Variants in MAGI2 observed in about 807,000 individuals in gnomAD.
MAGI2 encodes the protein membrane associated guanylate kinase, WW and PDZ domain containing 2.
In MAGI2, 35 loss-of-function variants were observed where a neutral mutation model predicts 133.3. The ratio of observed to expected loss-of-function variants is 0.26; its 90% CI spans 0.20 to 0.35. The LOEUF is 0.35. Among genes scored for constraint, MAGI2 ranks in the 10% least tolerant of loss-of-function variants. The pLI is 1.00. For missense variants in MAGI2, 1,636 were observed against 1,863.4 expected, an observed-to-expected ratio of 0.88 and a Z score of 2.25; for synonymous variants, 729 against 710.6, an observed-to-expected ratio of 1.03 and a Z score of -0.41.
At position 78,198,428 on chromosome 7, in the gene MAGI2, GTT is replaced by G. The variant is rs398066996; in HGVS notation, c.2079+2732_2079+2733del. ...GAACACTCTGTTCATGGCTGTGGCCGTTTTTTTTTTTTTTTTTTTTCGAGACA... is the reference window on the plus strand; with the variant it reads ...GAACACTCTGTTCATGGCTGTGGCCGTTTTTTTTTTTTTTTTTTCGAGACA... On this transcript the variant is annotated intron_variant, in intron 11 of 21. Coordinates refer to ENST00000354212, the MANE Select transcript of MAGI2 (RefSeq NM_012301.4). Among the ~76,000 whole-genome samples, 637 of 97,468 alleles carry G rather than the reference GTT, an allele frequency of 6.5e-3. 2 individuals are homozygous for G. The highest frequency in any genetic ancestry group is 0.02 in the African/African-American group (500 of 24,566). 63.9% of individuals were successfully genotyped at this position (97,468 alleles called of 152,430 possible).
intron 1 of MAGI2, among the ~76,000 whole-genome samples, chr7:79,143,812 A>G (rs901212239): frequency 1.8e-4 from 27 of 152,304 alleles, no homozygotes; most frequent in Admixed American, 5.9e-4. Flanking sequence ...TAAAATTTCA[A>G]TATTACTATC....
intron 1 of MAGI2, among the ~76,000 whole-genome samples, chr7:79,367,858 C>CACATATATATATATATATAT: frequency 1.1e-5 from 1 of 87,114 alleles, no homozygotes; most frequent in African/African-American, 4.6e-5. Flanking sequence ...ATATATGTGA[C>CACATATATATATATATATAT]ATATATATAT....
At position 78,559,136 on chromosome 7, in the gene MAGI2, C is replaced by CAAAAAAAAAAA. The variant is rs71085541; in HGVS notation, c.539-37502_539-37492dup. On this transcript the variant is annotated intron_variant, in intron 3 of 21. Coordinates refer to ENST00000354212, the MANE Select transcript of MAGI2 (RefSeq NM_012301.4). ...TTTAGGAGCTTGCAATCTGAATTTCCAAAAAAAAAAAAAAAAAAAAAAAAA... is the reference window on the plus strand; with the variant it reads ...TTTAGGAGCTTGCAATCTGAATTTCCAAAAAAAAAAAAAAAAAAAAAAAAAAAAAAAAAAAA... Among the ~76,000 whole-genome samples, 8 of 54,730 alleles carry CAAAAAAAAAAA rather than the reference C, an allele frequency of 1.5e-4. 1 individual carries two copies. Among genetic ancestry groups the CAAAAAAAAAAA allele is most frequent in the Non-Finnish European group, 2.1e-4 (7 of 33,120 alleles). 35.9% of individuals were successfully genotyped at this position (54,730 alleles called of 152,430 possible).
chr7:78,850,631 C>T (rs1793052355), intron 2 of MAGI2, among the ~76,000 whole-genome samples: 2 of 152,134 alleles, frequency 1.3e-5, no homozygotes, highest in Admixed American at 6.6e-5. Context: ...TTCCTGGATA[C>T]TCCTGTAGTA....
intron 7 of MAGI2, among the ~76,000 whole-genome samples, chr7:78,357,970 T>C (rs1433577060): frequency 1.3e-5 from 2 of 150,898 alleles, no homozygotes; most frequent in Admixed American, 6.6e-5. Context: ...ACACTAGTAA[T>C]AAATAATGTT....
At chr7:79,091,145 T>C (rs1817012003) in intron 1 of MAGI2, among the ~76,000 whole-genome samples, 1 of 152,162 alleles carries the variant, frequency 6.6e-6, no homozygotes, top group Non-Finnish European at 1.5e-5. Context: ...CTAACTCTTA[T>C]CCTTGGTTCT....
intron 10 of MAGI2, 57 bp downstream of exon 10, chr7:78,255,886 T>G: frequency 6.6e-7 from 1 of 1,507,392 alleles, no homozygotes; most frequent in Non-Finnish European, 9.1e-7. Flanking sequence ...ACAATATTAT[T>G]AAATGATCCT....
At chr7:78,942,874 A>C (rs1158846728) in intron 2 of MAGI2, among the ~76,000 whole-genome samples, 1 of 149,160 alleles carries the variant, frequency 6.7e-6, no homozygotes, top group Non-Finnish European at 1.5e-5. Flanking sequence ...ATAGTGCAGA[A>C]TCTAGGGCGT....
intron 1 of MAGI2, among the ~76,000 whole-genome samples, chr7:79,325,854 A>T (rs1839656171): frequency 6.6e-6 from 1 of 152,190 alleles, no homozygotes. Flanking sequence ...TGTTTGAGAT[A>T]AAAACTGCTG....
At chr7:79,021,259 T>G (rs1168052007) in intron 1 of MAGI2, among the ~76,000 whole-genome samples, 1 of 151,936 alleles carries the variant, frequency 6.6e-6, no homozygotes, top group Non-Finnish European at 1.5e-5. Flanking sequence ...CCACACAGAG[T>G]CTCCACTGGG....
intron 13 of MAGI2, among the ~76,000 whole-genome samples, chr7:78,183,751 G>C (rs962851689): frequency 1.3e-5 from 2 of 152,038 alleles, no homozygotes; most frequent in Non-Finnish European, 2.9e-5. Context: ...ATTTTTTGTA[G>C]AGATGGAGGT....
At chr7:78,614,813 T>A (rs989093923) in intron 3 of MAGI2, 1 of 152,232 alleles carries the variant, frequency 6.6e-6, no homozygotes, top group Non-Finnish European at 1.5e-5. Flanking sequence ...AGTATTCTAA[T>A]TAGGTGAATA....
At chr7:79,202,268 C>G (rs1257821543) in intron 1 of MAGI2, among the ~76,000 whole-genome samples, 1 of 151,794 alleles carries the variant, frequency 6.6e-6, no homozygotes, top group East Asian at 1.9e-4. Flanking sequence ...TCTACCAAGA[C>G]TGGAGATGGG....
chr7:79,120,778 T>C (rs984532855), intron 1 of MAGI2, among the ~76,000 whole-genome samples: 1 of 152,114 alleles, frequency 6.6e-6, no homozygotes, highest in African/African-American at 2.4e-5. Flanking sequence ...GGTATTGTAA[T>C]GTTTATATTA....
chr7:78,032,663 G>C (rs1051467445), intron 21 of MAGI2, among the ~76,000 whole-genome samples: 9 of 152,176 alleles, frequency 5.9e-5, no homozygotes, highest in African/African-American at 2.2e-4. Context: ...GGTGATAATA[G>C]AAAGTCTGAT....
At chr7:79,152,098 A>T (rs1367396589) in intron 1 of MAGI2, among the ~76,000 whole-genome samples, 1 of 152,214 alleles carries the variant, frequency 6.6e-6, no homozygotes, top group Non-Finnish European at 1.5e-5. Flanking sequence ...GTGGTTTATC[A>T]TTCAGCAGTA....
At chr7:78,764,493 TGA>T (rs1563473828) in intron 2 of MAGI2, among the ~76,000 whole-genome samples, 5 of 152,208 alleles carry the variant, frequency 3.3e-5, no homozygotes, top group Non-Finnish European at 1.5e-5. Flanking sequence ...AAAGGAAATG[TGA>T]GTAGTATCTT....
At chr7:79,445,231 A>T (rs561249223) in intron 1 of MAGI2, among the ~76,000 whole-genome samples, 2,094 of 152,326 alleles carry the variant, frequency 0.014, 51 homozygotes, top group African/African-American at 0.048. Context: ...AACCTAGGCA[A>T]TACCATTCAG....
chr7:79,268,298 A>G (rs1170642908), intron 1 of MAGI2, among the ~76,000 whole-genome samples: 3 of 152,166 alleles, frequency 2.0e-5, no homozygotes, highest in African/African-American at 7.2e-5. Context: ...AACAAAGCAA[A>G]ATAATACTGA....
Sources: allele counts gnomAD v4.1 joint callset (sites outside exome capture counted in the v4.1 genomes callset), GRCh38; gene constraint gnomAD v4.1.1; transcripts MANE v1.5; gene names NCBI Gene and HGNC (gene_info 2026-07-23, HGNC 2026-07-21).